The following MARCHF4 variants were observed in gnomAD, a reference collection of about 807,000 sequenced individuals.
The protein encoded by MARCHF4 is membrane associated ring-CH-type finger 4, also known as E3 ubiquitin-protein ligase MARCHF4.
MARCHF4 carries 14 observed loss-of-function variants against 43.9 expected under a neutral mutation model. The observed-to-expected ratio is 0.32, with a 90% CI of 0.21 to 0.50. The LOEUF is 0.50. MARCHF4 is among the 20% of genes least tolerant of loss of function. The probability of loss-of-function intolerance (pLI) is 0.98; values close to 1 mark genes in which losing one functional copy is unlikely to be tolerated. For missense variants in MARCHF4, 468 were observed against 536.7 expected, an observed-to-expected ratio of 0.87 and a Z score of 1.27; for synonymous variants, 226 against 213.3, an observed-to-expected ratio of 1.06 and a Z score of -0.52.
rs1246853172 is a variant in MARCHF4 at position 216,336,706 on chromosome 2, A to G, written c.516+33039T>C. On this transcript the variant is annotated intron_variant, in intron 1 of 3. Transcript: ENST00000273067. ...AGTGTTGGTAAATTCACCCAAAACCACTTCCTCCATGGCAAATGGGAAAGG... is the reference window on the plus strand; with the variant it reads ...AGTGTTGGTAAATTCACCCAAAACCGCTTCCTCCATGGCAAATGGGAAAGG... 2.1e-5 allele frequency among the ~76,000 whole-genome samples: 3 copies of G among 141,352 alleles called. No homozygotes were observed. In the Admixed American group the frequency reaches 2.3e-4, roughly 11 times the overall value. The allele number at this position is 141,352 out of a possible 152,430, so 92.7% of individuals were successfully genotyped here.
At position 216,284,899 on chromosome 2, in the gene MARCHF4, G is replaced by A. The variant is rs149251449; in HGVS notation, c.517-1170C>T. 8.6e-4 allele frequency among the ~76,000 whole-genome samples: 131 copies of A among 152,214 alleles called. 2 individuals are homozygous for A. In the East Asian group the frequency reaches 0.018, roughly 21 times the overall value. On this transcript the variant is annotated intron_variant, in intron 1 of 3. Coordinates refer to ENST00000273067, the MANE Select transcript of MARCHF4 (RefSeq NM_020814.3). ...CTGTCTTCAAGATGATTCGAATGCC[G>A]CCTCCTACTGGGAGTGGTCCCTGAC...
Position 216,271,957 on chromosome 2 carries a change from A to ATTTTTTTT in MARCHF4, c.865+5707_865+5714dup, listed in dbSNP as rs57629851. ...AGGTGCACACCACCACACCTGGCTA[A>ATTTTTTTT]TTTTTTTTTTTTTTTTTTTTTTTTT... On this transcript the variant is annotated intron_variant, in intron 3 of 3. Transcript: ENST00000273067. 4.5e-4 allele frequency among the ~76,000 whole-genome samples: 45 copies of ATTTTTTTT among 100,580 alleles called. 1 individual carries two copies. Among genetic ancestry groups the ATTTTTTTT allele is most frequent in the African/African-American group, 1.8e-3 (44 of 24,562 alleles). The allele number at this position is 100,580 out of a possible 152,430, so 66.0% of individuals were successfully genotyped here.
chr2:216,300,480 A>G (rs1174030188), intron 1 of MARCHF4, among the ~76,000 whole-genome samples: 2 of 151,714 alleles, frequency 1.3e-5, no homozygotes, highest in African/African-American at 4.9e-5. Flanking sequence ...GGTAGCTGGA[A>G]CTACAGATGT....
intron 3 of MARCHF4, among the ~76,000 whole-genome samples, chr2:216,261,191 G>T (rs1368689395): frequency 6.6e-6 from 1 of 152,186 alleles, no homozygotes; most frequent in Non-Finnish European, 1.5e-5. Flanking sequence ...CAGTTCTGGA[G>T]ATCAGAAGTC....
At chr2:216,339,018 A>G (rs897863584) in intron 1 of MARCHF4, among the ~76,000 whole-genome samples, 1 of 152,176 alleles carries the variant, frequency 6.6e-6, no homozygotes, top group African/African-American at 2.4e-5. Flanking sequence ...CTGTGTTCCT[A>G]CCTCTTGGCT....
intron 1 of MARCHF4, among the ~76,000 whole-genome samples, chr2:216,292,258 G>T (rs1270797647): frequency 6.6e-6 from 1 of 152,212 alleles, no homozygotes; most frequent in South Asian, 2.1e-4. Context: ...GAAAGTTAAG[G>T]GACAGAGGTT....
rs147551345 is a variant in MARCHF4, at chr2:216,349,010, C to A, written c.516+20735G>T. 5.3e-5 allele frequency among the ~76,000 whole-genome samples: 8 copies of A among 152,244 alleles called. No homozygotes were observed. In the East Asian group the frequency reaches 9.7e-4, roughly 18 times the overall value. On this transcript the variant is annotated intron_variant, in intron 1 of 3. Transcript: ENST00000273067. ...TTTCTTGTCTTTCAGGATTTTGACA[C>A]CGAGAAGACATCAGTGATTTTGCCA...
intron 1 of MARCHF4, among the ~76,000 whole-genome samples, chr2:216,301,312 G>C (rs1027099486): frequency 2.6e-5 from 4 of 152,218 alleles, no homozygotes; most frequent in Admixed American, 6.5e-5. Context: ...TCCAGCCTAG[G>C]TGAAGGACCT....
intron 1 of MARCHF4, among the ~76,000 whole-genome samples, chr2:216,320,605 CTT>C (rs72375205): frequency 7.2e-6 from 1 of 138,434 alleles, no homozygotes; most frequent in Non-Finnish European, 1.6e-5. Flanking sequence ...GCTATAGCCT[CTT>C]TTTCTTTCTT....
intron 1 of MARCHF4, among the ~76,000 whole-genome samples, chr2:216,330,474 C>G (rs958963840): frequency 6.6e-6 from 1 of 152,064 alleles, no homozygotes; most frequent in Non-Finnish European, 1.5e-5. Context: ...AAAAAATTAA[C>G]GAGGATATGA....
At chr2:216,268,142 G>A (rs192524824) in intron 3 of MARCHF4, among the ~76,000 whole-genome samples, 1 of 152,246 alleles carries the variant, frequency 6.6e-6, no homozygotes, top group East Asian at 1.9e-4. Flanking sequence ...ACGGTCACAA[G>A]TGTCAGCCTT....
At chr2:216,313,325 C>T (rs1366418804) in intron 1 of MARCHF4, among the ~76,000 whole-genome samples, 7 of 152,120 alleles carry the variant, frequency 4.6e-5, no homozygotes, top group Non-Finnish European at 1.0e-4. Context: ...TCTAATTTCT[C>T]TTTTAAGTTG....
At chr2:216,331,112 T>C (rs1692075929) in intron 1 of MARCHF4, among the ~76,000 whole-genome samples, 1 of 152,074 alleles carries the variant, frequency 6.6e-6, no homozygotes, top group Non-Finnish European at 1.5e-5. Context: ...TAAAAATGAA[T>C]TGATCTCTAA....
chr2:216,354,921 TTCTTTCTTTC>T (rs1692466152), intron 1 of MARCHF4, among the ~76,000 whole-genome samples: 1 of 118,412 alleles, frequency 8.4e-6, no homozygotes, highest in African/African-American at 3.4e-5. Flanking sequence ...CTTTCTTTCT[TTCTTTCTTTC>T]TTTCTTTCTT....
intron 3 of MARCHF4, among the ~76,000 whole-genome samples, chr2:216,274,544 C>T (rs1690991973): frequency 6.6e-6 from 1 of 152,170 alleles, no homozygotes; most frequent in Admixed American, 6.5e-5. Context: ...TTGAATTTCA[C>T]CCTCAAACCA....
chr2:216,354,749 T>G (rs1692455604), intron 1 of MARCHF4, among the ~76,000 whole-genome samples: 1 of 152,204 alleles, frequency 6.6e-6, no homozygotes, highest in Non-Finnish European at 1.5e-5. Context: ...TTCCCCTCAT[T>G]GAGCAAGACT....
chr2:216,366,588 T>A (rs749379409), intron 1 of MARCHF4, among the ~76,000 whole-genome samples: 1 of 152,184 alleles, frequency 6.6e-6, no homozygotes, highest in South Asian at 2.1e-4. Flanking sequence ...TGCTATTTCC[T>A]TCACCTGAAA....
intron 1 of MARCHF4, among the ~76,000 whole-genome samples, chr2:216,300,350 GTATATATA>G (rs201683040): frequency 2.6e-5 from 3 of 115,804 alleles, no homozygotes; most frequent in African/African-American, 1.1e-4. Context: ...ATATATATAT[GTATATATA>G]TATATATATA....
intron 1 of MARCHF4, among the ~76,000 whole-genome samples, chr2:216,309,917 T>C (rs1397945959): frequency 2.0e-5 from 3 of 152,230 alleles, no homozygotes; most frequent in African/African-American, 7.2e-5. Context: ...TCCATTTCCC[T>C]GATTCCGAAG....
Sources: gnomAD v4.1 joint callset for allele counts (sites outside exome capture counted in the v4.1 genomes callset) on GRCh38, gnomAD v4.1.1 for gene constraint, MANE v1.5 for transcripts, NCBI Gene and HGNC (gene_info 2026-07-23, HGNC 2026-07-21) for gene names.